The following ZNF385B variants were observed in gnomAD, a reference collection of about 807,000 sequenced individuals.
ZNF385B encodes zinc finger protein 385B.
Under a neutral mutation model 39.2 loss-of-function variants are expected in ZNF385B, and 23 were observed. The ratio of observed to expected loss-of-function variants is 0.59; its 90% CI spans 0.42 to 0.83. ZNF385B has a LOEUF of 0.83. Among genes scored for constraint, ZNF385B ranks in the 40% least tolerant of loss-of-function variants. The pLI, the probability that ZNF385B is intolerant of heterozygous loss-of-function variation, is 0.00. For missense variants in ZNF385B, 552 were observed against 598.9 expected, an observed-to-expected ratio of 0.92 and a Z score of 0.82; for synonymous variants, 205 against 222.6, an observed-to-expected ratio of 0.92 and a Z score of 0.70.
intron 1 of ZNF385B, among the ~76,000 whole-genome samples, chr2:179,781,810 T>C (rs1704681327): frequency 6.6e-6 from 1 of 151,980 alleles, no homozygotes; most frequent in African/African-American, 2.4e-5. Context: ...AATAACAAAC[T>C]CTGAAATTGA....
intron 3 of ZNF385B, among the ~76,000 whole-genome samples, chr2:179,760,612 G>C (rs1312726084): frequency 6.6e-6 from 1 of 152,088 alleles, no homozygotes; most frequent in Non-Finnish European, 1.5e-5. Context: ...GAACCCGTGA[G>C]TGCTATCTTT....
intron 1 of ZNF385B, among the ~76,000 whole-genome samples, chr2:179,859,733 A>G (rs1358974501): frequency 6.6e-6 from 1 of 152,234 alleles, no homozygotes; most frequent in Non-Finnish European, 1.5e-5. Flanking sequence ...CTTTGATCAA[A>G]TAAGCATCTT....
At chr2:179,756,364 G>A (rs753551648) in intron 3 of ZNF385B, among the ~76,000 whole-genome samples, 8 of 152,138 alleles carry the variant, frequency 5.3e-5, no homozygotes, top group Admixed American at 2.6e-4. Context: ...TAGTCTGATG[G>A]GCTTCCTTTG....
chr2:179,588,181 T>C (rs938841540), intron 3 of ZNF385B, among the ~76,000 whole-genome samples: 15 of 152,046 alleles, frequency 9.9e-5, no homozygotes, highest in East Asian at 5.8e-4. Context: ...CTCCGCCTCC[T>C]GGGTTCACGC....
At chr2:179,649,105 A>G (rs1029248311) in intron 3 of ZNF385B, among the ~76,000 whole-genome samples, 1 of 152,198 alleles carries the variant, frequency 6.6e-6, no homozygotes, top group African/African-American at 2.4e-5. Context: ...TGATATTCCT[A>G]CCAAAGATAC....
rs193132917 is a variant in ZNF385B, at chr2:179,444,659, G to A, written c.1242+217C>T. ...TCTTTTGAAAACAACTTGGTAAAGA[G>A]TAAAATATTAGCTCTTAAAGAGGTT... On this transcript the variant is annotated intron_variant, in intron 9 of 9. Transcript: ENST00000410066. Among the ~76,000 whole-genome samples the A allele has an allele frequency of 1.4e-3, 219 of 152,308 alleles. 1 individual carries two copies. The highest frequency in any genetic ancestry group is 5.1e-3 in the African/African-American group (210 of 41,562).
intron 3 of ZNF385B, among the ~76,000 whole-genome samples, chr2:179,689,073 A>G (rs1003523713): frequency 9.2e-5 from 14 of 152,232 alleles, no homozygotes; most frequent in African/African-American, 3.1e-4. Context: ...TGATGTGTCA[A>G]TAATACTTCA....
intron 5 of ZNF385B, among the ~76,000 whole-genome samples, chr2:179,510,996 C>T (rs1472922496): frequency 1.3e-5 from 2 of 152,178 alleles, no homozygotes; most frequent in Non-Finnish European, 2.9e-5. Context: ...CAAGTGGGTA[C>T]CCTTGCAGCT....
chr2:179,836,807 C>G (rs534371847), intron 1 of ZNF385B, among the ~76,000 whole-genome samples: 2 of 152,168 alleles, frequency 1.3e-5, no homozygotes, highest in Admixed American at 1.3e-4. Context: ...CGTGAGCCAC[C>G]GCGCACGGCC....
chr2:179,484,077 G>A (rs927155938), intron 5 of ZNF385B, among the ~76,000 whole-genome samples: 3 of 152,104 alleles, frequency 2.0e-5, no homozygotes, highest in African/African-American at 7.2e-5. Context: ...TGAAGCCTAA[G>A]TTGTTAGTGT....
At chr2:179,530,084 G>T (rs2059162879) in intron 4 of ZNF385B, among the ~76,000 whole-genome samples, 1 of 152,190 alleles carries the variant, frequency 6.6e-6, no homozygotes, top group Non-Finnish European at 1.5e-5. Context: ...CACATGTGAA[G>T]AGAGATCCAT....
At chr2:179,807,364 G>A (rs773583522) in intron 1 of ZNF385B, among the ~76,000 whole-genome samples, 4 of 152,120 alleles carry the variant, frequency 2.6e-5, no homozygotes, top group African/African-American at 7.2e-5. Context: ...TTGGGAGGCC[G>A]AGGTGGGCAG....
At chr2:179,456,264 C>CAT (rs1553554565) in intron 6 of ZNF385B, among the ~76,000 whole-genome samples, 3 of 152,168 alleles carry the variant, frequency 2.0e-5, no homozygotes, top group African/African-American at 7.2e-5. Flanking sequence ...GCTTTTGATG[C>CAT]ATATACCAAA....
chr2:179,447,110 A>T (rs907535638), intron 6 of ZNF385B, among the ~76,000 whole-genome samples: 2 of 152,200 alleles, frequency 1.3e-5, no homozygotes, highest in African/African-American at 4.8e-5. Context: ...TCCCTCTGAT[A>T]CAATTACATG....
At position 179,685,036 on chromosome 2, in the gene ZNF385B, A is replaced by G. The variant is rs181261009; in HGVS notation, c.298+84467T>C. Among the ~76,000 whole-genome samples, 309 of 152,338 alleles carry G rather than the reference A, an allele frequency of 2.0e-3. 2 individuals carry two copies. Among genetic ancestry groups the G allele is most frequent in the African/African-American group, 7.2e-3 (300 of 41,564 alleles). ...AGGACAAAATACTCTGCCTTATACTATAATTTTCCCCTTGTCTATATCTAA... is the reference window on the plus strand; with the variant it reads ...AGGACAAAATACTCTGCCTTATACTGTAATTTTCCCCTTGTCTATATCTAA... On this transcript the variant is annotated intron_variant, in intron 3 of 9. Transcript: ENST00000410066.
At chr2:179,598,204 A>C (rs1055846861) in intron 3 of ZNF385B, among the ~76,000 whole-genome samples, 1 of 152,170 alleles carries the variant, frequency 6.6e-6, no homozygotes, top group South Asian at 2.1e-4. Context: ...ATACAGCCCA[A>C]ACTAAAACCC....
intron 4 of ZNF385B, among the ~76,000 whole-genome samples, chr2:179,529,951 C>T (rs1405175364): frequency 2.0e-5 from 3 of 151,918 alleles, no homozygotes; most frequent in South Asian, 2.1e-4. Flanking sequence ...GTATCTCCTT[C>T]GGGTGAAATG....
intron 3 of ZNF385B, among the ~76,000 whole-genome samples, chr2:179,697,080 A>G (rs565989219): frequency 4.6e-5 from 7 of 152,274 alleles, no homozygotes; most frequent in Admixed American, 1.3e-4. Context: ...CCTCCAGTTA[A>G]TTAGGATTAA....
chr2:179,510,789 A>AGC (rs1421239070), intron 5 of ZNF385B, among the ~76,000 whole-genome samples: 1 of 152,134 alleles, frequency 6.6e-6, no homozygotes, highest in East Asian at 1.9e-4. Context: ...GAGGAGAGAG[A>AGC]GAAGAGAAAA....
Sources: allele counts gnomAD v4.1 joint callset (sites outside exome capture counted in the v4.1 genomes callset), GRCh38; gene constraint gnomAD v4.1.1; transcripts MANE v1.5; gene names NCBI Gene and HGNC (gene_info 2026-07-23, HGNC 2026-07-21).